Variants in COX7B2 observed in about 807,000 individuals in gnomAD.
COX7B2 encodes cytochrome c oxidase subunit 7B2, also known as cytochrome c oxidase subunit 7B2, mitochondrial.
For synonymous variants in COX7B2, 37 were observed against 32.1 expected (o/e 1.15, Z -0.51); for missense variants, 109 against 95.9 (o/e 1.14, Z -0.57).
intron 2 of COX7B2, among the ~76,000 whole-genome samples, chr4:46,799,929 CTCT>C (rs1464852275): frequency 6.6e-6 from 1 of 152,088 alleles, no homozygotes; most frequent in African/African-American, 2.4e-5. Context: ...TTTGTAGTAG[CTCT>C]TCTTTATACA....
At chr4:46,767,606 A>G (rs1173752523) in intron 2 of COX7B2, among the ~76,000 whole-genome samples, 2 of 152,234 alleles carry the variant, frequency 1.3e-5, no homozygotes, top group African/African-American at 2.4e-5. Flanking sequence ...AGGCTACAAA[A>G]AAAGTCTCAA....
At chr4:46,897,730 A>G (rs1241444407) in intron 1 of COX7B2, among the ~76,000 whole-genome samples, 1 of 152,146 alleles carries the variant, frequency 6.6e-6, no homozygotes, top group African/African-American at 2.4e-5. Flanking sequence ...TCAGTCTGCA[A>G]TAACAGATGA....
chr4:46,866,343 C>T (rs1588606), intron 1 of COX7B2, among the ~76,000 whole-genome samples: 57,860 of 151,982 alleles, frequency 0.38, 11,145 homozygotes, highest in South Asian at 0.49. Flanking sequence ...TATTTGTGCC[C>T]TAACTGGGCT....
intron 1 of COX7B2, among the ~76,000 whole-genome samples, chr4:46,853,357 T>C (rs894450377): frequency 6.6e-6 from 1 of 152,154 alleles, no homozygotes; most frequent in African/African-American, 2.4e-5. Flanking sequence ...CTTATTTACA[T>C]ACTTCTTTCT....
chr4:46,776,414 G>A lies in COX7B2; in HGVS notation c.-49-41173C>T, dbSNP rs188094654. 9.2e-5 allele frequency among the ~76,000 whole-genome samples: 14 copies of A among 151,884 alleles called. No homozygotes were observed. The South Asian group carries it at 2.1e-3, about 23-fold the overall frequency. ...TCAGAGTGTGTGTGTGTGTGTGTGT[G>A]TGTGTGTGTCTGTGTGTCTGTGTGT... On this transcript the variant is annotated intron_variant, in intron 2 of 2. Coordinates refer to ENST00000355591, the MANE Select transcript of COX7B2 (RefSeq NM_130902.3).
At chr4:46,867,296 A>G (rs1451088861) in intron 1 of COX7B2, among the ~76,000 whole-genome samples, 1 of 152,196 alleles carries the variant, frequency 6.6e-6, no homozygotes, top group African/African-American at 2.4e-5. Context: ...CTTTAACATT[A>G]AGGAGTAGTA....
intron 2 of COX7B2, among the ~76,000 whole-genome samples, chr4:46,819,360 C>G (rs1049180264): frequency 1.1e-4 from 17 of 152,074 alleles, no homozygotes; most frequent in Non-Finnish European, 7.4e-5. Context: ...ACATGCCACT[C>G]TTAGGAAGCT....
At chr4:46,804,782 A>AC in intron 2 of COX7B2, among the ~76,000 whole-genome samples, 1 of 152,292 alleles carries the variant, frequency 6.6e-6, no homozygotes, top group Admixed American at 6.5e-5. Flanking sequence ...TGTATCCCCT[A>AC]CCGGGGCCGC....
chr4:46,845,721 G>A (rs1308889767), intron 1 of COX7B2, among the ~76,000 whole-genome samples: 2 of 151,946 alleles, frequency 1.3e-5, no homozygotes, highest in African/African-American at 4.8e-5. Flanking sequence ...GGGGTATGCT[G>A]GGAGAGGAGT....
intron 1 of COX7B2, among the ~76,000 whole-genome samples, chr4:46,890,057 C>T (rs577163022): frequency 2.0e-5 from 3 of 152,260 alleles, no homozygotes; most frequent in African/African-American, 7.2e-5. Flanking sequence ...ACGTGGCCAA[C>T]TGAGCTCAGG....
chr4:46,857,431 G>T (rs1243111101), intron 1 of COX7B2, among the ~76,000 whole-genome samples: 1 of 152,168 alleles, frequency 6.6e-6, no homozygotes, highest in Non-Finnish European at 1.5e-5. Flanking sequence ...CTGGAGTCAT[G>T]AATGCTGAAT....
chr4:46,806,290 A>T (rs1718989992), intron 2 of COX7B2, among the ~76,000 whole-genome samples: 1 of 152,050 alleles, frequency 6.6e-6, no homozygotes, highest in Admixed American at 6.5e-5. Context: ...AATAGGCATA[A>T]CTTAAAGCAG....
chr4:46,765,070 G>C (rs1716444841), intron 2 of COX7B2, among the ~76,000 whole-genome samples: 1 of 151,602 alleles, frequency 6.6e-6, no homozygotes, highest in Non-Finnish European at 1.5e-5. Context: ...CAGAAGTGCA[G>C]AAGTGATGTC....
chr4:46,805,501 T>C (rs552668714), intron 2 of COX7B2, among the ~76,000 whole-genome samples: 3 of 152,240 alleles, frequency 2.0e-5, no homozygotes, highest in Non-Finnish European at 4.4e-5. Context: ...GCAAGGTAAA[T>C]ACATCAATAA....
At chr4:46,809,409 T>A (rs979507003) in intron 2 of COX7B2, among the ~76,000 whole-genome samples, 5 of 151,868 alleles carry the variant, frequency 3.3e-5, no homozygotes, top group Non-Finnish European at 5.9e-5. Context: ...AGGCGTTTAT[T>A]TCTATAAACT....
At chr4:46,769,702 G>A (rs1716759595) in intron 2 of COX7B2, among the ~76,000 whole-genome samples, 1 of 152,150 alleles carries the variant, frequency 6.6e-6, no homozygotes, top group East Asian at 1.9e-4. Context: ...GTGACAGAGT[G>A]AGACTCTGTC....
intron 1 of COX7B2, among the ~76,000 whole-genome samples, chr4:46,881,629 C>T (rs528712371): frequency 5.9e-5 from 9 of 152,072 alleles, no homozygotes; most frequent in South Asian, 2.1e-4. Context: ...ATTAGCCAGA[C>T]GTGGTGGAGT....
intron 1 of COX7B2, among the ~76,000 whole-genome samples, chr4:46,870,823 T>C (rs1426909794): frequency 2.0e-5 from 3 of 152,034 alleles, no homozygotes; most frequent in Non-Finnish European, 4.4e-5. Flanking sequence ...AAAGCACTTG[T>C]AATTGAATCA....
intron 1 of COX7B2, among the ~76,000 whole-genome samples, chr4:46,849,615 A>T (rs1042085631): frequency 1.3e-5 from 2 of 152,142 alleles, no homozygotes; most frequent in African/African-American, 4.8e-5. Context: ...GCATGTATAA[A>T]TTACAGCTAA....
Sources: gnomAD v4.1 joint callset for allele counts (sites outside exome capture counted in the v4.1 genomes callset) on GRCh38, gnomAD v4.1.1 for gene constraint, MANE v1.5 for transcripts, NCBI Gene and HGNC (gene_info 2026-07-23, HGNC 2026-07-21) for gene names.